Variants in MYH10 observed in about 807,000 individuals in gnomAD.
MYH10 encodes the protein myosin-10.
Under a neutral mutation model 257.8 loss-of-function variants are expected in MYH10, and 55 were observed. The ratio of observed to expected loss-of-function variants is 0.21; its 90% CI spans 0.17 to 0.27. The LOEUF (loss-of-function observed/expected upper bound fraction) is 0.27, where lower values mean the gene tolerates loss of function less well. Ranked by LOEUF, MYH10 falls within the 10% of genes least tolerant of loss-of-function variation. MYH10 has a pLI of 1.00. For synonymous variants in MYH10, 854 were observed against 921.7 expected, an observed-to-expected ratio of 0.93 and a Z score of 1.33; for missense variants, 1,631 against 2,500.6, an observed-to-expected ratio of 0.65 and a Z score of 7.42.
chr17:8,566,402 TTCTG>T (rs2083169059), intron 7 of MYH10, among the ~76,000 whole-genome samples: 1 of 152,180 alleles, frequency 6.6e-6, no homozygotes, highest in Non-Finnish European at 1.5e-5. Flanking sequence ...AGTGTGTAAC[TTCTG>T]TCTTTCTCTT....
Position 8,504,870 on chromosome 17 carries a change from A to G in MYH10, c.3423T>C (p.Leu1141=). ...GGGCTTGTAGCTCTCGCACAACTTT[A>G]AGGGCATTGTTCTTATGGAGTGTTT... ...DDETLHKNNA[L]KVVRELQAQI... The change falls in exon 28 of 43, where the codon CTT becomes CTC. Residue 1141 remains leucine (L), a synonymous_variant. Transcript: ENST00000360416. The surrounding 1 kb of genome is among the most constrained non-coding windows in gnomAD (Gnocchi z 5.6). 1.2e-6 allele frequency: 2 copies of G among 1,614,186 alleles called. No individual in the cohort carries two copies. Among genetic ancestry groups the G allele is most frequent in the Non-Finnish European group, 1.7e-6 (2 of 1,180,026 alleles).
intron 40 of MYH10, 82 bp downstream of exon 40, chr17:8,480,028 C>CA (rs1360447715): frequency 1.7e-5 from 24 of 1,417,064 alleles, no homozygotes; most frequent in Non-Finnish European, 1.8e-5. Context: ...GGTGGGGAGC[C>CA]CCCCCGAAAG....
intron 3 of MYH10, among the ~76,000 whole-genome samples, chr17:8,590,628 A>T (rs1372894962): frequency 2.6e-5 from 4 of 152,096 alleles, no homozygotes; most frequent in Non-Finnish European, 5.9e-5. Flanking sequence ...TCATTCTAAT[A>T]GCTCATAACC....
Position 8,480,395 on chromosome 17 carries a change from G to A in MYH10, c.5388+7C>T, listed in dbSNP as rs1173947688. ...CTCCCTGGGTGACGGGCTCCTGCAT[G>A]GGCCACCTGTAGAGTGGTCTTGCGG... On this transcript the variant is annotated splice_region_variant and intron_variant, in intron 39 of 42. Transcript: ENST00000360416. 2.5e-6 allele frequency: 4 copies of A among 1,613,248 alleles called. No individual in the cohort carries two copies. Among genetic ancestry groups the A allele is most frequent in the Non-Finnish European group, 2.5e-6 (3 of 1,179,840 alleles).
intron 3 of MYH10, among the ~76,000 whole-genome samples, chr17:8,590,311 T>C (rs1291845904): frequency 2.6e-5 from 4 of 152,160 alleles, no homozygotes; most frequent in Admixed American, 1.3e-4. Flanking sequence ...GTCTAATTTC[T>C]TTTTTCTTTT....
intron 30 of MYH10, among the ~76,000 whole-genome samples, chr17:8,497,737 T>C (rs1916862724): frequency 6.9e-5 from 1 of 14,420 alleles, no homozygotes; most frequent in Admixed American, 1.1e-3. Flanking sequence ...AGACTCTGTC[T>C]CAAAAAAAAA....
chr17:8,509,869 G>C lies in MYH10; in HGVS notation c.3033C>G (p.Ile1011Met), dbSNP rs1293654640. The C allele has an allele frequency of 6.2e-7, 1 of 1,612,984 alleles. No individual in the cohort carries two copies. Among genetic ancestry groups the C allele is most frequent in the Non-Finnish European group, 8.5e-7 (1 of 1,179,518 alleles). Residue 1011 changes from isoleucine to methionine, a missense_variant, in exon 25 of 43, where the codon ATC becomes ATG. Transcript: ENST00000360416. ...QLEKVTAEAK[I>M]KKMEEEILLL... ...GCAGAATCTCCTCTTCCATCTTCTT[G>C]ATCTTGGCCTCTGCTGTCACCTTTT...
chr17:8,592,358 T>G (rs1364503839), intron 3 of MYH10, among the ~76,000 whole-genome samples: 1 of 151,922 alleles, frequency 6.6e-6, no homozygotes, highest in Non-Finnish European at 1.5e-5. Context: ...TGAAACCAAA[T>G]GTTCCTTCTT....
intron 7 of MYH10, among the ~76,000 whole-genome samples, chr17:8,564,639 C>T (rs1182482546): frequency 6.6e-6 from 1 of 152,162 alleles, no homozygotes; most frequent in Non-Finnish European, 1.5e-5. Flanking sequence ...GGTATATTCC[C>T]AGGGCCTGGA....
intron 3 of MYH10, among the ~76,000 whole-genome samples, chr17:8,599,731 G>A (rs1597939103): frequency 6.6e-6 from 1 of 152,214 alleles, no homozygotes; most frequent in African/African-American, 2.4e-5. Flanking sequence ...TATTGCTAAT[G>A]TTAGGAGCCT....
At chr17:8,511,015 CATATATATATAT>C (rs56144668) in intron 24 of MYH10, 1,389 of 120,492 alleles carry the variant, frequency 0.012, 46 homozygotes, top group African/African-American at 0.047. Context: ...TCATGTACCC[CATATATATATAT>C]ATATATATAT....
chr17:8,625,482 AT>A (rs111227495), intron 1 of MYH10, among the ~76,000 whole-genome samples: 49,406 of 144,400 alleles, frequency 0.34, 10,135 homozygotes, highest in African/African-American at 0.61. Context: ...CCTGAGAACT[AT>A]TTTTTTTTTT....
At chr17:8,608,810 A>AT (rs531809094) in intron 2 of MYH10, among the ~76,000 whole-genome samples, 11,652 of 140,778 alleles carry the variant, frequency 0.083, 766 homozygotes, top group African/African-American at 0.17. Context: ...TGATTGGGAA[A>AT]TTTTTTTTTT....
chr17:8,583,504 A>T (rs2083785797), intron 4 of MYH10, among the ~76,000 whole-genome samples: 1 of 152,184 alleles, frequency 6.6e-6, no homozygotes, highest in South Asian at 2.1e-4. Flanking sequence ...AGTTATTCTC[A>T]TATGGCAATA....
At chr17:8,480,550 G>A (rs1356612261) in intron 38 of MYH10, 25 bp from the exon 39 acceptor site, 4 of 1,601,598 alleles carry the variant, frequency 2.5e-6, no homozygotes, top group East Asian at 2.2e-5. Flanking sequence ...AGGAGGGGAC[G>A]GTTCAATCCC....
intron 7 of MYH10, among the ~76,000 whole-genome samples, chr17:8,556,831 T>G (rs1218552993): frequency 2.0e-5 from 3 of 152,210 alleles, no homozygotes; most frequent in Non-Finnish European, 4.4e-5. Context: ...ATTTTAAAAA[T>G]ATAACTCAAC....
intron 2 of MYH10, among the ~76,000 whole-genome samples, chr17:8,611,499 A>G (rs1359077957): frequency 1.3e-5 from 2 of 152,218 alleles, no homozygotes; most frequent in Non-Finnish European, 2.9e-5. Context: ...TAAAGACGTG[A>G]CTGAGAATTC....
chr17:8,621,136 C>G (rs989714781), intron 2 of MYH10, among the ~76,000 whole-genome samples: 1 of 152,222 alleles, frequency 6.6e-6, no homozygotes, highest in Non-Finnish European at 1.5e-5. Flanking sequence ...GAAAAGCAGC[C>G]TGGCTCCTCT....
chr17:8,492,453 G>C lies in MYH10; in HGVS notation c.4515C>G (p.Ala1505=), dbSNP rs1424597927. Residue 1505 remains alanine (A), a synonymous_variant, in exon 34 of 43, where the codon GCC becomes GCG. Transcript: ENST00000360416. ...TTTCTTTCTCTCTGGCCTCGGCTTC[G>C]GCCCGGTCCCGCTCTTCGGCATAGC... ...SARYAEERDR[A]EAEAREKETK... The C allele has an allele frequency of 6.2e-7, 1 of 1,612,626 alleles. No individual in the cohort carries two copies. The highest frequency in any genetic ancestry group is 8.5e-7 in the Non-Finnish European group (1 of 1,180,004).
Sources: allele counts gnomAD v4.1 joint callset (sites outside exome capture counted in the v4.1 genomes callset), GRCh38; gene constraint gnomAD v4.1.1; non-coding constraint Gnocchi (gnomAD v3.1); transcripts MANE v1.5; gene names NCBI Gene and HGNC (gene_info 2026-07-23, HGNC 2026-07-21).